Variants in TOP3A observed in about 807,000 individuals in gnomAD.
TOP3A encodes DNA topoisomerase 3-alpha.
Under a neutral mutation model 111.3 loss-of-function variants are expected in TOP3A, and 64 were observed. The observed-to-expected ratio is 0.57, with a 90% confidence interval of 0.47 to 0.71. The LOEUF (loss-of-function observed/expected upper bound fraction) is 0.71. Ranked by LOEUF, TOP3A falls within the 30% of genes least tolerant of loss-of-function variation. The pLI, the probability that TOP3A is intolerant of heterozygous loss-of-function variation, is 0.00. For synonymous variants in TOP3A, 484 were observed against 485.1 expected (o/e 1.00, Z 0.03); for missense variants, 1,104 against 1,285.0 (o/e 0.86, Z 2.15).
chr17:18,273,636 TAA>T lies in TOP3A; in HGVS notation c.*1164_*1165del, dbSNP rs1350627592. On this transcript the variant is annotated 3_prime_UTR_variant, in exon 19 of 19. Transcript: ENST00000321105. ...AAAAAAAGGTTGGATTCTTTCATTT[TAA>T]AAAAAGTTTGAGACAGGGTCTTACT... Among the ~76,000 whole-genome samples the T allele has an allele frequency of 5.9e-5, 9 of 152,158 alleles. No homozygotes were observed. Among genetic ancestry groups the T allele is most frequent in the Non-Finnish European group, 1.2e-4 (8 of 68,028 alleles).
At chr17:18,285,997 C>T (rs949055128) in intron 13 of TOP3A, among the ~76,000 whole-genome samples, 7 of 151,874 alleles carry the variant, frequency 4.6e-5, no homozygotes, top group African/African-American at 1.5e-4. Flanking sequence ...GTCAGGAGTT[C>T]GAGACCAGCC....
chr17:18,298,370 G>A lies in TOP3A; in HGVS notation c.990+1189C>T, dbSNP rs1428939415. On this transcript the variant is annotated intron_variant, in intron 9 of 18. Coordinates refer to ENST00000321105, the MANE Select transcript of TOP3A (RefSeq NM_004618.5). ...CCCCGCCCGGCCAGCCGCCCCATCCGGGAGGGAGGTGGGGGGGTCAGCCCC... is the reference window on the plus strand; with the variant it reads ...CCCCGCCCGGCCAGCCGCCCCATCCAGGAGGGAGGTGGGGGGGTCAGCCCC... Among the ~76,000 whole-genome samples the A allele has an allele frequency of 6.8e-5, 10 of 147,190 alleles. No individual in the cohort carries two copies. In the South Asian group the frequency reaches 8.5e-4, roughly 12 times the overall value.
rs1981753651 is a variant in TOP3A at position 18,309,017 on chromosome 17, C to T, written c.181-76G>A. ...TTCCTTTGTATAATTCTTTCTGATC[C>T]TGAATTTGGCAATGATTTCTTGGTT... On this transcript the variant is annotated intron_variant, in intron 1 of 18. Coordinates refer to ENST00000321105, the MANE Select transcript of TOP3A (RefSeq NM_004618.5). 6.3e-6 allele frequency: 5 copies of T among 791,832 alleles called. No individual in the cohort carries two copies. In the East Asian group the frequency reaches 1.6e-4, roughly 25 times the overall value. The allele number at this position is 791,832 out of a possible 1,614,324, so 49.1% of individuals were successfully genotyped here.
chr17:18,306,221 AAAT>A (rs1567751192), intron 4 of TOP3A, among the ~76,000 whole-genome samples: 1 of 152,204 alleles, frequency 6.6e-6, no homozygotes, highest in East Asian at 1.9e-4. Context: ...ATAAATAAAT[AAAT>A]AAAAATTAAA....
chr17:18,285,398 C>T lies in TOP3A; in HGVS notation c.1711+9G>A, dbSNP rs1159755923. 5 of 1,614,016 alleles carry T rather than the reference C, an allele frequency of 3.1e-6. No homozygotes were observed. Among genetic ancestry groups the T allele is most frequent in the South Asian group, 2.2e-5 (2 of 91,054 alleles). Reference sequence around the variant, plus strand: ...CCCACTACCCACTGCAAGCTCTGTCCTCCCTTACCTTCCACAAGTCCCATG... The same window carrying T: ...CCCACTACCCACTGCAAGCTCTGTCTTCCCTTACCTTCCACAAGTCCCATG... On this transcript the variant is annotated intron_variant, in intron 14 of 18. Transcript: ENST00000321105.
At chr17:18,292,061 G>A (rs1280806819) in intron 11 of TOP3A, among the ~76,000 whole-genome samples, 2 of 152,178 alleles carry the variant, frequency 1.3e-5, no homozygotes, top group Non-Finnish European at 2.9e-5. Flanking sequence ...AGGAGGAGAA[G>A]AACAAAAGAC....
At chr17:18,282,939 C>G (rs1334330185) in intron 15 of TOP3A, 98 bp from the exon 16 acceptor site, 1 of 1,500,308 alleles carries the variant, frequency 6.7e-7, no homozygotes, top group Non-Finnish European at 9.0e-7. Flanking sequence ...ACCTTGAGAA[C>G]CAGCTGGTCA....
At chr17:18,306,341 G>A (rs143037745) in intron 4 of TOP3A, among the ~76,000 whole-genome samples, 100 of 152,202 alleles carry the variant, frequency 6.6e-4, no homozygotes, top group Non-Finnish European at 1.2e-3. Context: ...TGAGATGGGG[G>A]CTACGCGCTA....
intron 17 of TOP3A, among the ~76,000 whole-genome samples, chr17:18,279,447 G>A (rs983101972): frequency 3.3e-5 from 5 of 149,416 alleles, no homozygotes; most frequent in African/African-American, 1.0e-4. Context: ...TAGTAGAGAC[G>A]GGGTTTCACC....
intron 15 of TOP3A, among the ~76,000 whole-genome samples, chr17:18,283,785 T>C (rs1256542668): frequency 1.3e-5 from 2 of 152,170 alleles, no homozygotes; most frequent in East Asian, 3.9e-4. Flanking sequence ...CCTCCTTGGT[T>C]TGATTCTCAA....
chr17:18,282,514 G>A (rs1196969080), intron 16 of TOP3A, among the ~76,000 whole-genome samples, 184 bp downstream of exon 16: 1 of 152,168 alleles, frequency 6.6e-6, no homozygotes, highest in East Asian at 1.9e-4. Flanking sequence ...TTCCCATAGT[G>A]CTTTACACCT....
At chr17:18,307,169 T>C (rs528011248) in intron 3 of TOP3A, 4 of 447,240 alleles carry the variant, frequency 8.9e-6, no homozygotes, top group South Asian at 9.2e-5. Flanking sequence ...GATGGCATTC[T>C]GGAGCCCTTT....
intron 5 of TOP3A, among the ~76,000 whole-genome samples, chr17:18,304,126 G>A (rs754473633): frequency 2.8e-4 from 42 of 151,968 alleles, no homozygotes; most frequent in Admixed American, 2.6e-4. Flanking sequence ...CACCACACCT[G>A]GCTAATTTTT....
chr17:18,292,232 G>T (rs1377551998), intron 11 of TOP3A, among the ~76,000 whole-genome samples: 4 of 152,212 alleles, frequency 2.6e-5, no homozygotes, highest in Non-Finnish European at 4.4e-5. Flanking sequence ...AGCTGTGTGG[G>T]AAACTGCAGT....
intron 9 of TOP3A, among the ~76,000 whole-genome samples, chr17:18,298,644 G>A (rs1234697155): frequency 2.0e-5 from 3 of 151,852 alleles, no homozygotes; most frequent in Admixed American, 1.3e-4. Context: ...TTGAGAAATC[G>A]GATGGTTGCC....
intron 15 of TOP3A, among the ~76,000 whole-genome samples, chr17:18,284,166 A>AT (rs1979942327): frequency 7.0e-6 from 1 of 142,620 alleles, no homozygotes; most frequent in African/African-American, 2.6e-5. Flanking sequence ...TGCCTGGCTA[A>AT]TTTTTGTATT....
Position 18,307,134 on chromosome 17 carries a change from C to T in TOP3A, c.315-168G>A, listed in dbSNP as rs1696012116. The T allele has an allele frequency of 9.0e-6, 5 of 557,696 alleles. 1 individual carries two copies. In the South Asian group the frequency reaches 1.2e-4, roughly 13 times the overall value. The allele number at this position is 557,696 out of a possible 1,614,324, so 34.5% of individuals were successfully genotyped here. ...TCTGCATGACACACTGTCCACTTCT[C>T]CAAGAGTGTGAACAGGACTGATAAG... On this transcript the variant is annotated intron_variant, in intron 3 of 18. Transcript: ENST00000321105.
chr17:18,286,662 C>T (rs1422206771), intron 13 of TOP3A, among the ~76,000 whole-genome samples: 4 of 152,134 alleles, frequency 2.6e-5, no homozygotes, highest in South Asian at 2.1e-4. Flanking sequence ...AAATGAAAAA[C>T]GGTACAGCCA....
intron 17 of TOP3A, 45 bp downstream of exon 17, chr17:18,280,491 T>G: frequency 6.3e-7 from 1 of 1,599,704 alleles, no homozygotes; most frequent in Non-Finnish European, 8.5e-7. Context: ...GGAAAGATGG[T>G]GTACACACTC....
Sources: gnomAD v4.1 joint callset for allele counts (sites outside exome capture counted in the v4.1 genomes callset) on GRCh38, gnomAD v4.1.1 for gene constraint, MANE v1.5 for transcripts, NCBI Gene and HGNC (gene_info 2026-07-23, HGNC 2026-07-21) for gene names.